The following SLC10A7 variants were observed in gnomAD, a reference collection of about 807,000 sequenced individuals.
The protein encoded by SLC10A7 is sodium/bile acid cotransporter 7.
In SLC10A7, 29 loss-of-function variants were observed where a neutral mutation model predicts 43.2. The ratio of observed to expected loss-of-function variants is 0.67; its 90% CI spans 0.50 to 0.92. The LOEUF is 0.92. Among genes scored for constraint, SLC10A7 ranks in the 40% least tolerant of loss-of-function variants. SLC10A7 has a pLI of 0.00. For missense variants in SLC10A7, 295 were observed against 403.2 expected, an observed-to-expected ratio of 0.73 and a Z score of 2.30; for synonymous variants, 152 against 144.8, an observed-to-expected ratio of 1.05 and a Z score of -0.35.
At chr4:146,304,070 CAA>C (rs33923015) in intron 7 of SLC10A7, among the ~76,000 whole-genome samples, 1 of 124,690 alleles carries the variant, frequency 8.0e-6, no homozygotes, top group Non-Finnish European at 1.7e-5. Context: ...TCATAGAAAA[CAA>C]AAAAAATCCA....
chr4:146,353,490 C>T (rs1284934793), intron 5 of SLC10A7, among the ~76,000 whole-genome samples: 1 of 126,728 alleles, frequency 7.9e-6, no homozygotes, highest in African/African-American at 3.1e-5. Flanking sequence ...CCTTCTGAAA[C>T]TATTCCAATC....
intron 4 of SLC10A7, among the ~76,000 whole-genome samples, chr4:146,461,522 T>C (rs1732524672): frequency 1.3e-5 from 2 of 151,984 alleles, no homozygotes; most frequent in South Asian, 2.1e-4. Context: ...GACATCACAG[T>C]GGGGAATGAT....
At chr4:146,438,514 C>A (rs957829874) in intron 5 of SLC10A7, among the ~76,000 whole-genome samples, 4 of 151,926 alleles carry the variant, frequency 2.6e-5, no homozygotes, top group Admixed American at 2.6e-4. Flanking sequence ...ATCTATGTTG[C>A]CATGAAGTGT....
chr4:146,363,543 G>T (rs530634156), intron 5 of SLC10A7, among the ~76,000 whole-genome samples: 1 of 152,006 alleles, frequency 6.6e-6, no homozygotes, highest in African/African-American at 2.4e-5. Flanking sequence ...TTCAACAGCC[G>T]CAGAACATAC....
intron 5 of SLC10A7, among the ~76,000 whole-genome samples, chr4:146,327,847 G>A (rs2149709677): frequency 6.6e-6 from 1 of 152,220 alleles, no homozygotes; most frequent in Admixed American, 6.5e-5. Flanking sequence ...CACCATTGGG[G>A]GGCCTGAGAA....
chr4:146,461,836 T>A (rs1005180023), intron 4 of SLC10A7, among the ~76,000 whole-genome samples: 2 of 149,870 alleles, frequency 1.3e-5, no homozygotes, highest in East Asian at 2.0e-4. Flanking sequence ...TTTTTTTTTT[T>A]AAATGAGAGC....
At chr4:146,375,282 T>A (rs1367834997) in intron 5 of SLC10A7, among the ~76,000 whole-genome samples, 2 of 152,124 alleles carry the variant, frequency 1.3e-5, no homozygotes, top group Non-Finnish European at 2.9e-5. Flanking sequence ...AGGAGCTTAA[T>A]AATGAAAGAC....
chr4:146,425,501 T>C (rs1285190795), intron 5 of SLC10A7, among the ~76,000 whole-genome samples: 1 of 152,144 alleles, frequency 6.6e-6, no homozygotes, highest in Non-Finnish European at 1.5e-5. Context: ...TAATTGAATT[T>C]TAAATAGCCA....
At chr4:146,482,415 T>C (rs1194821408) in intron 4 of SLC10A7, among the ~76,000 whole-genome samples, 1 of 151,654 alleles carries the variant, frequency 6.6e-6, no homozygotes, top group Admixed American at 6.6e-5. Flanking sequence ...CATAAAGAAA[T>C]AGATATCATA....
intron 7 of SLC10A7, among the ~76,000 whole-genome samples, chr4:146,296,232 A>G (rs1730776270): frequency 6.6e-6 from 1 of 152,166 alleles, no homozygotes. Flanking sequence ...TCACACATGT[A>G]TTATACTGTA....
intron 11 of SLC10A7, among the ~76,000 whole-genome samples, chr4:146,258,465 T>A (rs1728014454): frequency 6.6e-6 from 1 of 152,252 alleles, no homozygotes; most frequent in South Asian, 2.1e-4. Context: ...TTGTAAAAAC[T>A]GCATGTTAAG....
At chr4:146,466,276 T>C (rs1733023775) in intron 4 of SLC10A7, among the ~76,000 whole-genome samples, 2 of 152,196 alleles carry the variant, frequency 1.3e-5, no homozygotes, top group African/African-American at 4.8e-5. Flanking sequence ...AATAAAAACG[T>C]ATAGTACTGA....
intron 4 of SLC10A7, among the ~76,000 whole-genome samples, chr4:146,483,328 A>G (rs1417329939): frequency 6.6e-6 from 1 of 152,180 alleles, no homozygotes; most frequent in African/African-American, 2.4e-5. Flanking sequence ...TTTTAAGATT[A>G]AAAACATAAA....
chr4:146,462,459 C>T lies in SLC10A7; in HGVS notation c.397-19638G>A, dbSNP rs78844284. On this transcript the variant is annotated intron_variant, in intron 4 of 11. Transcript: ENST00000335472. The stretch of plus-strand genomic sequence containing the variant: ...TTGCTCAAGATCACACAATGTCTAA[C>T]AGTGGCTGAGTCAGGATTACAAGGA... Among the ~76,000 whole-genome samples the T allele has an allele frequency of 2.4e-3, 360 of 152,248 alleles. 3 individuals are homozygous for T. Among genetic ancestry groups the T allele is most frequent in the African/African-American group, 8.2e-3 (342 of 41,552 alleles).
rs74344674 is a variant in SLC10A7 at position 146,432,703 on chromosome 4, A to T, written c.435+10080T>A. Among the ~76,000 whole-genome samples, 380 of 152,348 alleles carry T rather than the reference A, an allele frequency of 2.5e-3. 13 individuals carry two copies. In the East Asian group the frequency reaches 0.07, roughly 28 times the overall value. On this transcript the variant is annotated intron_variant, in intron 5 of 11. Coordinates refer to ENST00000335472, the MANE Select transcript of SLC10A7 (RefSeq NM_001029998.6). ...ACTGCATACATTTGTCAAAACTGAC[A>T]GGACTATACCTCTGAAATGCATAGA...
intron 4 of SLC10A7, among the ~76,000 whole-genome samples, chr4:146,486,227 G>C (rs963798989): frequency 1.3e-5 from 2 of 152,134 alleles, no homozygotes; most frequent in East Asian, 3.9e-4. Flanking sequence ...TGAGAGCAAT[G>C]ATTAATTTAT....
rs373542573 is a variant in SLC10A7 at position 146,256,467 on chromosome 4, G to A, written c.*24C>T. ...GTACAATCCTGTACATATATACATT[G>A]CTACAGAAAGTCCACCTCCTTTGTT... On this transcript the variant is annotated 3_prime_UTR_variant, in exon 12 of 12. Coordinates refer to ENST00000335472, the MANE Select transcript of SLC10A7 (RefSeq NM_001029998.6). The A allele has an allele frequency of 6.2e-7, 1 of 1,612,380 alleles. No homozygotes were observed. The highest frequency in any genetic ancestry group is 8.5e-7 in the Non-Finnish European group (1 of 1,178,614).
intron 5 of SLC10A7, among the ~76,000 whole-genome samples, chr4:146,346,239 T>G (rs1041325053): frequency 6.6e-6 from 1 of 152,148 alleles, no homozygotes; most frequent in Non-Finnish European, 1.5e-5. Context: ...AGTTCTGAAA[T>G]TAACTAGTAT....
At chr4:146,349,563 T>C (rs1034995856) in intron 5 of SLC10A7, among the ~76,000 whole-genome samples, 4 of 152,204 alleles carry the variant, frequency 2.6e-5, no homozygotes, top group Non-Finnish European at 5.9e-5. Flanking sequence ...TGCACAAGCA[T>C]GTTCACTGCA....
Sources: allele counts gnomAD v4.1 joint callset (sites outside exome capture counted in the v4.1 genomes callset), GRCh38; gene constraint gnomAD v4.1.1; transcripts MANE v1.5; gene names NCBI Gene and HGNC (gene_info 2026-07-23, HGNC 2026-07-21).